Variants in ZNF618 observed in about 807,000 individuals in gnomAD.
ZNF618 encodes the protein zinc finger protein 618.
In ZNF618, 34 loss-of-function variants were observed where a neutral mutation model predicts 103.0. The observed-to-expected ratio is 0.33, with a 90% CI of 0.25 to 0.44. ZNF618 has a LOEUF of 0.44. Among genes scored for constraint, ZNF618 ranks in the 20% least tolerant of loss-of-function variants. The probability of loss-of-function intolerance (pLI) is 1.00; values close to 1 mark genes in which losing one functional copy is unlikely to be tolerated. For synonymous variants in ZNF618, 551 were observed against 542.2 expected (o/e 1.02, Z -0.23); for missense variants, 1,059 against 1,295.4 (o/e 0.82, Z 2.80).
In ZNF618 at chr9:114,049,803, A is replaced by G. The variant is rs780544870; in HGVS notation, c.2501A>G (p.Asn834Ser). 1.1e-5 allele frequency: 18 copies of G among 1,613,890 alleles called. No individual in the cohort carries two copies. Among genetic ancestry groups the G allele is most frequent in the Non-Finnish European group, 1.3e-5 (15 of 1,179,912 alleles). Residue 834 changes from asparagine (N) to serine (S), a missense_variant, in exon 15 of 15, where the codon AAC becomes AGC. Asn to Ser is a conservative substitution (Grantham distance 46). Around this residue, in one of 6 missense-constraint regions of ZNF618, gnomAD observed 156 missense variants for 197.1 expected, o/e 0.79. Coordinates refer to ENST00000374126, the MANE Select transcript of ZNF618 (RefSeq NM_001318042.2). ...ATCGGCAAGGTCTGTGAGCTCATCA[A>G]CGAGGTGAAGGAGTCCTGGGCCGAG... ...EIIGKVCELINEVKESWAEEA... is the reference protein window; with the variant it reads ...EIIGKVCELISEVKESWAEEA...
chr9:113,939,295 G>T (rs889255218), intron 1 of ZNF618, among the ~76,000 whole-genome samples: 1 of 138,628 alleles, frequency 7.2e-6, no homozygotes, highest in Non-Finnish European at 1.6e-5. Context: ...TTGTTTGTTT[G>T]TTGTTGTTGT....
intron 1 of ZNF618, among the ~76,000 whole-genome samples, chr9:113,959,010 C>A (rs145549515): frequency 6.6e-6 from 1 of 152,176 alleles, no homozygotes; most frequent in Non-Finnish European, 1.5e-5. Flanking sequence ...TGTTTTAGGC[C>A]GGGCGCGGTG....
At chr9:114,004,643 G>A (rs985556577) in intron 6 of ZNF618, among the ~76,000 whole-genome samples, 1 of 152,080 alleles carries the variant, frequency 6.6e-6, no homozygotes, top group African/African-American at 2.4e-5. Context: ...GCCATTGCGC[G>A]CTATTTTATT....
intron 9 of ZNF618, among the ~76,000 whole-genome samples, chr9:114,009,601 T>C (rs2133830793): frequency 6.6e-6 from 1 of 152,328 alleles, no homozygotes. Context: ...TTTATCTCTC[T>C]GTTTTCTGTA....
chr9:113,934,780 C>T (rs759583987), intron 1 of ZNF618, among the ~76,000 whole-genome samples: 5 of 152,178 alleles, frequency 3.3e-5, no homozygotes, highest in Non-Finnish European at 7.4e-5. Context: ...CTGTGTGACT[C>T]GAGGCAGACG....
At chr9:114,033,253 TA>T (rs1844257765) in intron 12 of ZNF618, among the ~76,000 whole-genome samples, 1 of 152,032 alleles carries the variant, frequency 6.6e-6, no homozygotes, top group Non-Finnish European at 1.5e-5. Flanking sequence ...CTACTAAAAA[TA>T]CAGTAGCTGT....
chr9:114,034,594 G>A (rs1844417061), intron 12 of ZNF618, among the ~76,000 whole-genome samples: 1 of 152,214 alleles, frequency 6.6e-6, no homozygotes, highest in Non-Finnish European at 1.5e-5. Context: ...GGGAAACTGA[G>A]GCTCAGGAGA....
intron 1 of ZNF618, among the ~76,000 whole-genome samples, chr9:113,910,894 A>T (rs7862623): frequency 6.6e-6 from 1 of 151,630 alleles, no homozygotes; most frequent in Admixed American, 6.6e-5. Context: ...GCAGTGGCAC[A>T]ATCTCAGCTC....
chr9:113,884,218 C>T (rs75498222), intron 1 of ZNF618, among the ~76,000 whole-genome samples: 1,571 of 152,282 alleles, frequency 0.01, 36 homozygotes, highest in African/African-American at 0.036. Flanking sequence ...CCGACAACAG[C>T]GGAGCACCAG....
At chr9:114,024,563 G>A (rs541853888) in intron 10 of ZNF618, among the ~76,000 whole-genome samples, 135 of 152,352 alleles carry the variant, frequency 8.9e-4, no homozygotes, top group Non-Finnish European at 1.5e-3. Flanking sequence ...GTCTAGAATA[G>A]TTCTTATTCT....
chr9:113,879,777 A>T (rs979104207), intron 1 of ZNF618, among the ~76,000 whole-genome samples: 1 of 151,304 alleles, frequency 6.6e-6, no homozygotes, highest in Admixed American at 6.6e-5. Context: ...TTTCTGCCTA[A>T]GGAGGTTTTT....
chr9:114,032,897 G>A (rs948303397), intron 12 of ZNF618, among the ~76,000 whole-genome samples, 169 bp downstream of exon 12: 14 of 152,112 alleles, frequency 9.2e-5, no homozygotes, highest in African/African-American at 3.4e-4. Flanking sequence ...GAGGCAGGAG[G>A]GGCCTTTTCT....
chr9:114,011,613 G>A (rs972496724), intron 9 of ZNF618, among the ~76,000 whole-genome samples: 3 of 152,190 alleles, frequency 2.0e-5, no homozygotes, highest in Non-Finnish European at 2.9e-5. Flanking sequence ...GCCACAGAAC[G>A]CGAAAAACGA....
At chr9:113,906,337 G>A (rs1409203587) in intron 1 of ZNF618, among the ~76,000 whole-genome samples, 3 of 152,152 alleles carry the variant, frequency 2.0e-5, no homozygotes, top group Non-Finnish European at 2.9e-5. Context: ...AGAGGTTATG[G>A]CTCTGAAGAA....
Position 113,894,062 on chromosome 9 carries a change from A to G in ZNF618, c.33+17649A>G, listed in dbSNP as rs140727662. Among the ~76,000 whole-genome samples the G allele has an allele frequency of 3.6e-3, 554 of 152,326 alleles. 5 individuals carry two copies. The highest frequency in any genetic ancestry group is 0.013 in the African/African-American group (536 of 41,580). The stretch of plus-strand genomic sequence containing the variant: ...ACAGTGCTCCAAGATGATTTTGTCA[A>G]TTTCATATCTATCCTTGCATTATTT... On this transcript the variant is annotated intron_variant, in intron 1 of 14. Transcript: ENST00000374126.
chr9:114,032,822 C>A, intron 12 of ZNF618, 94 bp downstream of exon 12: 2 of 1,092,004 alleles, frequency 1.8e-6, no homozygotes, highest in South Asian at 1.3e-5. Context: ...GGGCTGGGGT[C>A]TTTGTGGTGC....
intron 2 of ZNF618, among the ~76,000 whole-genome samples, chr9:113,981,532 A>G (rs1343812401): frequency 6.6e-6 from 1 of 152,214 alleles, no homozygotes; most frequent in Non-Finnish European, 1.5e-5. Context: ...CACGTCTACT[A>G]TGACTTGGTA....
intron 9 of ZNF618, among the ~76,000 whole-genome samples, chr9:114,016,460 C>T (rs1023026911): frequency 2.0e-5 from 3 of 152,138 alleles, no homozygotes; most frequent in African/African-American, 7.2e-5. Context: ...TTATGACCTC[C>T]GTTTTATAGA....
rs564284792 is a variant in ZNF618, at chr9:114,035,069, C to G, written c.1169-1231C>G. 6 of 647,026 alleles carry G rather than the reference C, an allele frequency of 9.3e-6. No individual in the cohort carries two copies. In the South Asian group the frequency reaches 3.4e-4, roughly 37 times the overall value. 40.1% of individuals were successfully genotyped at this position (647,026 alleles called of 1,614,324 possible). On this transcript the variant is annotated intron_variant, in intron 12 of 14. Transcript: ENST00000374126. ...CACCCCAGATTGTGAGCCTTCCTCT[C>G]GGATGCTCCCCACTCCTCTGAAAGC...
Sources: allele counts gnomAD v4.1 joint callset (sites outside exome capture counted in the v4.1 genomes callset), GRCh38; gene constraint gnomAD v4.1.1; regional missense constraint gnomAD v4.1.1; transcripts MANE v1.5; gene names NCBI Gene and HGNC (gene_info 2026-07-23, HGNC 2026-07-21).